Variants in MCTP2 observed in about 807,000 individuals in gnomAD.
The protein encoded by MCTP2 is multiple C2 and transmembrane domain-containing protein 2.
MCTP2 carries 132 observed loss-of-function variants against 111.6 expected under a neutral mutation model. The ratio of observed to expected loss-of-function variants is 1.18; its 90% CI spans 1.03 to 1.37. The LOEUF is 1.37. MCTP2 is among the 40% of genes most tolerant of loss of function. MCTP2 has a pLI of 0.00. For synonymous variants in MCTP2, 395 were observed against 387.7 expected (o/e 1.02, Z -0.22); for missense variants, 1,183 against 1,067.9 (o/e 1.11, Z -1.50).
At chr15:94,382,926 G>A (rs1027509313) in intron 12 of MCTP2, among the ~76,000 whole-genome samples, 6 of 152,250 alleles carry the variant, frequency 3.9e-5, no homozygotes, top group African/African-American at 1.4e-4. Flanking sequence ...CAAAAGGGAA[G>A]TGAGTTTTTT....
At chr15:94,397,706 C>T (rs886624873) in intron 14 of MCTP2, among the ~76,000 whole-genome samples, 2 of 152,152 alleles carry the variant, frequency 1.3e-5, no homozygotes, top group African/African-American at 4.8e-5. Context: ...CTGTTTCCCC[C>T]CATGACTTAT....
At chr15:94,309,862 A>T (rs1011069178) in intron 2 of MCTP2, among the ~76,000 whole-genome samples, 4 of 152,238 alleles carry the variant, frequency 2.6e-5, no homozygotes, top group Admixed American at 2.6e-4. Flanking sequence ...AACACAAATG[A>T]AAAACACTTA....
intron 10 of MCTP2, among the ~76,000 whole-genome samples, chr15:94,362,652 A>G (rs2078999262): frequency 6.6e-6 from 1 of 152,188 alleles, no homozygotes; most frequent in Admixed American, 6.5e-5. Flanking sequence ...TCTGAGATTT[A>G]CAGCTTTTAA....
At chr15:94,346,906 C>T (rs559515476) in intron 8 of MCTP2, among the ~76,000 whole-genome samples, 2 of 151,630 alleles carry the variant, frequency 1.3e-5, no homozygotes, top group Non-Finnish European at 2.9e-5. Context: ...AGCTGTTTGT[C>T]TTTTTTTTGC....
chr15:94,260,155 C>T (rs1206924611), intron 1 of MCTP2, among the ~76,000 whole-genome samples: 1 of 152,190 alleles, frequency 6.6e-6, no homozygotes, highest in African/African-American at 2.4e-5. Flanking sequence ...CCTTGAGTGC[C>T]TTTCCTGGGG....
chr15:94,433,609 T>C lies in MCTP2; in HGVS notation c.2086-6567T>C, dbSNP rs566910231. On this transcript the variant is annotated intron_variant, in intron 17 of 22. Transcript: ENST00000357742. ...GTGGACAAGACTTTTGTGAGACATA[T>C]TATACAGAAGTAGAAAAGCTGTGAA... Among the ~76,000 whole-genome samples, 15 of 152,340 alleles carry C rather than the reference T, an allele frequency of 9.8e-5. No homozygotes were observed. In the South Asian group the frequency reaches 1.0e-3, roughly 11 times the overall value.
At chr15:94,338,033 T>C (rs1251701236) in intron 4 of MCTP2, among the ~76,000 whole-genome samples, 1 of 152,202 alleles carries the variant, frequency 6.6e-6, no homozygotes, top group Non-Finnish European at 1.5e-5. Flanking sequence ...AAGTAAAAGA[T>C]TGAAGTAATG....
Position 94,243,064 on chromosome 15 carries a change from C to T in MCTP2, c.-66+11400C>T, listed in dbSNP as rs377376939. The stretch of plus-strand genomic sequence containing the variant: ...GTGTATATGTGTATCTACACATACA[C>T]GTGTATATGTGTATCTACACATATA... On this transcript the variant is annotated intron_variant, in intron 1 of 22. Coordinates refer to ENST00000357742, the MANE Select transcript of MCTP2 (RefSeq NM_001385001.1). 1.1e-4 allele frequency among the ~76,000 whole-genome samples: 8 copies of T among 71,204 alleles called. 1 individual carries two copies. Among genetic ancestry groups the T allele is most frequent in the Non-Finnish European group, 1.2e-4 (4 of 32,872 alleles). 46.7% of individuals were successfully genotyped at this position (71,204 alleles called of 152,430 possible). A position where few individuals can be genotyped will look rare whatever the true frequency, so the allele number is the denominator to read the frequency against.
At chr15:94,374,187 G>C (rs1352946163) in intron 12 of MCTP2, among the ~76,000 whole-genome samples, 1 of 152,130 alleles carries the variant, frequency 6.6e-6, no homozygotes, top group Non-Finnish European at 1.5e-5. Flanking sequence ...ACTGTCGAAA[G>C]AAAATACAAA....
intron 20 of MCTP2, among the ~76,000 whole-genome samples, chr15:94,461,790 T>C (rs1031119220): frequency 2.0e-5 from 3 of 152,086 alleles, no homozygotes; most frequent in South Asian, 2.1e-4. Context: ...TGAGGTTAAG[T>C]GGGGCTGGAA....
At chr15:94,316,105 A>G (rs1267400926) in intron 4 of MCTP2, among the ~76,000 whole-genome samples, 3 of 152,118 alleles carry the variant, frequency 2.0e-5, no homozygotes, top group Non-Finnish European at 4.4e-5. Flanking sequence ...TGTTTTATTT[A>G]TCTTTTACAA....
At chr15:94,433,751 G>C (rs775543849) in intron 17 of MCTP2, among the ~76,000 whole-genome samples, 1 of 152,156 alleles carries the variant, frequency 6.6e-6, no homozygotes, top group Non-Finnish European at 1.5e-5. Flanking sequence ...CCACATTTTT[G>C]TCAACACTTT....
At chr15:94,241,251 A>G (rs1372492367) in intron 1 of MCTP2, among the ~76,000 whole-genome samples, 1 of 152,200 alleles carries the variant, frequency 6.6e-6, no homozygotes, top group East Asian at 1.9e-4. Context: ...CTTGAACCCT[A>G]CAATCTGATG....
At chr15:94,465,234 C>T (rs1024702207) in intron 20 of MCTP2, among the ~76,000 whole-genome samples, 3 of 152,078 alleles carry the variant, frequency 2.0e-5, no homozygotes, top group Admixed American at 6.6e-5. Context: ...ACCTTGTTGA[C>T]CAATATTGGT....
In MCTP2 at chr15:94,243,086, TATAC is replaced by T. The variant is rs1169148865; in HGVS notation, c.-66+11423_-66+11426del. ...ACACGTGTATATGTGTATCTACACATATACGTGTATATGTGTATCTACGGGTGTG... is the reference window on the plus strand; with the variant it reads ...ACACGTGTATATGTGTATCTACACATGTGTATATGTGTATCTACGGGTGTG... On this transcript the variant is annotated intron_variant, in intron 1 of 22. Transcript: ENST00000357742. Among the ~76,000 whole-genome samples, 56 of 40,624 alleles carry T rather than the reference TATAC, an allele frequency of 1.4e-3. 11 individuals carry two copies. The highest frequency in any genetic ancestry group is 5.3e-3 in the African/African-American group (47 of 8,852). The allele number at this position is 40,624 out of a possible 152,430, so 26.7% of individuals were successfully genotyped here.
At chr15:94,443,722 A>T (rs2083923302) in intron 19 of MCTP2, among the ~76,000 whole-genome samples, 1 of 152,080 alleles carries the variant, frequency 6.6e-6, no homozygotes, top group Admixed American at 6.5e-5. Context: ...AGTGGACCAG[A>T]TGGTTTTGCC....
intron 17 of MCTP2, among the ~76,000 whole-genome samples, chr15:94,431,077 A>G (rs150589898): frequency 3.3e-5 from 5 of 152,294 alleles, no homozygotes; most frequent in African/African-American, 9.6e-5. Context: ...TCTAAGCTAC[A>G]TAAAGGCTGC....
intron 4 of MCTP2, among the ~76,000 whole-genome samples, chr15:94,318,507 T>A (rs987018149): frequency 1.3e-5 from 2 of 152,074 alleles, no homozygotes; most frequent in Admixed American, 1.3e-4. Flanking sequence ...ACTCCTGACC[T>A]TGTGATCTGC....
At chr15:94,369,106 C>T (rs2079353493) in intron 11 of MCTP2, among the ~76,000 whole-genome samples, 2 of 152,276 alleles carry the variant, frequency 1.3e-5, no homozygotes, top group South Asian at 4.2e-4. Context: ...AATGCGTTCT[C>T]TTAGTTTAAA....
Sources: gnomAD v4.1 joint callset for allele counts (sites outside exome capture counted in the v4.1 genomes callset) on GRCh38, gnomAD v4.1.1 for gene constraint, MANE v1.5 for transcripts, NCBI Gene and HGNC (gene_info 2026-07-23, HGNC 2026-07-21) for gene names.